Variants in HFM1 observed in about 807,000 individuals in gnomAD.
HFM1 encodes the protein probable ATP-dependent DNA helicase HFM1.
In HFM1, 169 loss-of-function variants were observed where a neutral mutation model predicts 192.1. That is an observed-to-expected ratio of 0.88 (90% CI 0.78 to 1.00). The LOEUF is 1.00. Ranked by LOEUF, HFM1 falls within the 50% of genes least tolerant of loss-of-function variation. HFM1 has a pLI of 0.00. For synonymous variants in HFM1, 525 were observed against 537.8 expected (o/e 0.98, Z 0.33); for missense variants, 1,661 against 1,668.0 (o/e 1.00, Z 0.07).
chr1:91,364,965 TAC>T (rs1013163416), intron 13 of HFM1, among the ~76,000 whole-genome samples: 2 of 151,664 alleles, frequency 1.3e-5, no homozygotes, highest in African/African-American at 4.8e-5. Context: ...TACACACACA[TAC>T]ACACACACAT....
At chr1:91,302,417 AC>A (rs962835814) in intron 30 of HFM1, among the ~76,000 whole-genome samples, 20 of 151,860 alleles carry the variant, frequency 1.3e-4, no homozygotes, top group Admixed American at 1.2e-3. Context: ...ATTTGACCCA[AC>A]AATCCCATTA....
At chr1:91,391,042 A>G (rs1662920957) in intron 4 of HFM1, among the ~76,000 whole-genome samples, 2 of 152,206 alleles carry the variant, frequency 1.3e-5, no homozygotes, top group Admixed American at 6.5e-5. Context: ...TCCAACTTAC[A>G]AGGGATGTGA....
Position 91,324,709 on chromosome 1 carries a change from TA to T in HFM1, c.2392del (p.Tyr798IlefsTer15). On this transcript the variant is annotated frameshift_variant, in exon 21 of 39. Coordinates refer to ENST00000370425, the MANE Select transcript of HFM1 (RefSeq NM_001017975.6). LOFTEE classifies it high-confidence loss of function. ...TAAGGTTTCTTTTCCACTGATTGTA[TA>T]AAATTTCTTCACTGTCTCAAATGTA... ...YITFETVKKF[Y>X]TISGKETLSD... 6.4e-7 allele frequency: 1 copy of T among 1,557,600 alleles called. No homozygotes were observed. The highest frequency in any genetic ancestry group is 8.9e-7 in the Non-Finnish European group (1 of 1,129,648).
intron 30 of HFM1, among the ~76,000 whole-genome samples, chr1:91,307,734 A>T (rs1247751578): frequency 6.6e-6 from 1 of 152,194 alleles, no homozygotes; most frequent in Non-Finnish European, 1.5e-5. Context: ...GATTATAGGC[A>T]TGAGCCACTA....
chr1:91,289,378 C>G (rs1377363107), intron 30 of HFM1, among the ~76,000 whole-genome samples: 1 of 150,428 alleles, frequency 6.6e-6, no homozygotes, highest in Non-Finnish European at 1.5e-5. Context: ...ACTTCCCAGA[C>G]TGGGCGGCCG....
chr1:91,266,251 A>G, intron 35 of HFM1, 144 bp from the exon 36 acceptor site: 3 of 636,406 alleles, frequency 4.7e-6, no homozygotes, highest in Middle Eastern at 4.2e-4. Flanking sequence ...TTTAATTTGC[A>G]TAGAAAAATT....
intron 13 of HFM1, among the ~76,000 whole-genome samples, chr1:91,356,244 A>AT (rs879462206): frequency 2.5e-3 from 354 of 142,790 alleles, no homozygotes; most frequent in East Asian, 5.3e-3. Flanking sequence ...TCTAAGAGGA[A>AT]TTTTTTTTTT....
chr1:91,379,035 G>T (rs749700972), intron 9 of HFM1, 28 bp downstream of exon 9: 17 of 1,382,110 alleles, frequency 1.2e-5, no homozygotes, highest in Non-Finnish European at 1.5e-5. Context: ...ACAAACTAAA[G>T]AAATCATAAA....
Position 91,348,348 on chromosome 1 carries a change from A to C in HFM1, c.2207-872T>G, listed in dbSNP as rs1172128251. On this transcript the variant is annotated intron_variant, in intron 18 of 38. Coordinates refer to ENST00000370425, the MANE Select transcript of HFM1 (RefSeq NM_001017975.6). ...CCTGAAGGAAAGGCTGGAGAAACAA[A>C]ATATGGCACTTTTGAACACTGCTGG... is the stretch of plus-strand genomic sequence containing the variant. Among the ~76,000 whole-genome samples, 3 of 152,162 alleles carry C rather than the reference A, an allele frequency of 2.0e-5. No homozygotes were observed. In the East Asian group the frequency reaches 5.8e-4, roughly 29 times the overall value.
chr1:91,329,417 T>A (rs896936726), intron 20 of HFM1: 12 of 1,574,500 alleles, frequency 7.6e-6, no homozygotes, highest in Non-Finnish European at 9.5e-6. Context: ...TCAAGGTGAC[T>A]GGCTCACTCT....
chr1:91,350,464 G>C, intron 18 of HFM1, among the ~76,000 whole-genome samples: 1 of 151,994 alleles, frequency 6.6e-6, no homozygotes, highest in East Asian at 1.9e-4. Context: ...CAATGATTTA[G>C]ACATTTCTGT....
chr1:91,403,329 A>G (rs116140726), intron 1 of HFM1, among the ~76,000 whole-genome samples: 17 of 152,176 alleles, frequency 1.1e-4, no homozygotes, highest in Non-Finnish European at 2.2e-4. Flanking sequence ...ATTTTCTGTT[A>G]ATTTAGAAAC....
At chr1:91,276,559 C>G (rs908028609) in intron 32 of HFM1, 69 bp downstream of exon 32, 12 of 693,378 alleles carry the variant, frequency 1.7e-5, no homozygotes, top group African/African-American at 3.7e-5. Context: ...ACCTAATTGA[C>G]AGACAGAACA....
chr1:91,343,020 G>A (rs980939559), intron 20 of HFM1, among the ~76,000 whole-genome samples: 37 of 151,880 alleles, frequency 2.4e-4, no homozygotes, highest in African/African-American at 9.0e-4. Context: ...AAGGTCAGGA[G>A]ATCGAGACCA....
chr1:91,307,992 T>C (rs1378074395), intron 30 of HFM1, among the ~76,000 whole-genome samples: 1 of 152,190 alleles, frequency 6.6e-6, no homozygotes, highest in African/African-American at 2.4e-5. Flanking sequence ...AGTTTCACTG[T>C]TGTTATTTTG....
intron 30 of HFM1, among the ~76,000 whole-genome samples, chr1:91,286,678 T>A (rs768853977): frequency 6.6e-6 from 1 of 151,594 alleles, no homozygotes; most frequent in Admixed American, 6.6e-5. Flanking sequence ...AATAGGAACA[T>A]CTCCAGTCTA....
intron 19 of HFM1, among the ~76,000 whole-genome samples, chr1:91,343,788 G>A (rs1195794288): frequency 6.6e-6 from 1 of 152,096 alleles, no homozygotes; most frequent in Non-Finnish European, 1.5e-5. Flanking sequence ...TGATACACAT[G>A]TATTACCTCA....
chr1:91,385,731 T>C lies in HFM1; in HGVS notation c.598A>G (p.Lys200Glu). 3 of 1,612,910 alleles carry C rather than the reference T, an allele frequency of 1.9e-6. No homozygotes were observed. The highest frequency in any genetic ancestry group is 2.5e-6 in the Non-Finnish European group (3 of 1,178,970). The change falls in exon 5 of 39, where the codon AAA becomes GAA. Residue 200 changes from lysine (K) to glutamate (E), a missense_variant. By Grantham distance (56) the Lys-to-Glu change is moderately conservative. Coordinates refer to ENST00000370425, the MANE Select transcript of HFM1 (RefSeq NM_001017975.6). Reference protein sequence around the residue: ...SVKIVQTEMNKGKSRNYSNSK... With the variant: ...SVKIVQTEMNEGKSRNYSNSK... ...TTGCTATAGTTCCTTGATTTCCCTT[T>C]GTTCATTTCTGTTTGTACAATTTTC...
At chr1:91,390,326 C>A (rs930503093) in intron 4 of HFM1, among the ~76,000 whole-genome samples, 3 of 151,750 alleles carry the variant, frequency 2.0e-5, no homozygotes, top group African/African-American at 7.3e-5. Flanking sequence ...GTTCTAGCTA[C>A]TCGGGAGGCT....
Sources: allele counts gnomAD v4.1 joint callset (sites outside exome capture counted in the v4.1 genomes callset), GRCh38; gene constraint gnomAD v4.1.1; transcripts MANE v1.5; gene names NCBI Gene and HGNC (gene_info 2026-07-23, HGNC 2026-07-21).